Variants in SEMA3A observed in about 807,000 individuals in gnomAD.
SEMA3A encodes semaphorin-3A.
SEMA3A carries 29 observed loss-of-function variants against 97.9 expected under a neutral mutation model. That is an observed-to-expected ratio of 0.30 (90% confidence interval 0.22 to 0.40). The LOEUF (loss-of-function observed/expected upper bound fraction) is 0.40. SEMA3A is among the 10% of genes least tolerant of loss of function. The pLI, the probability that SEMA3A is intolerant of heterozygous loss-of-function variation, is 1.00. For missense variants in SEMA3A, 763 were observed against 951.3 expected, an observed-to-expected ratio of 0.80 and a Z score of 2.60; for synonymous variants, 321 against 323.7, an observed-to-expected ratio of 0.99 and a Z score of 0.09.
intron 1 of SEMA3A, among the ~76,000 whole-genome samples, chr7:84,448,761 A>T (rs905889787): frequency 1.3e-5 from 2 of 152,048 alleles, no homozygotes; most frequent in East Asian, 3.9e-4. Context: ...AATTCCGTGC[A>T]ATTTGTTTGA....
At chr7:84,392,780 T>G (rs968745609) in intron 1 of SEMA3A, among the ~76,000 whole-genome samples, 1 of 152,206 alleles carries the variant, frequency 6.6e-6, no homozygotes, top group African/African-American at 2.4e-5. Flanking sequence ...AATTTGCATC[T>G]TCTTAATGAT....
intron 2 of SEMA3A, among the ~76,000 whole-genome samples, chr7:84,352,480 A>C (rs1455876467): frequency 2.6e-5 from 2 of 78,056 alleles, no homozygotes; most frequent in Non-Finnish European, 5.0e-5. Context: ...GTTGGTATCA[A>C]AATATCTCAT....
chr7:84,359,152 C>G (rs937140399), intron 2 of SEMA3A, among the ~76,000 whole-genome samples: 19 of 152,102 alleles, frequency 1.2e-4, no homozygotes, highest in Non-Finnish European at 2.2e-4. Context: ...CCTGATTGCC[C>G]TGGCCAGAAC....
intron 13 of SEMA3A, among the ~76,000 whole-genome samples, chr7:83,983,605 A>G (rs1484138009): frequency 6.6e-6 from 1 of 152,150 alleles, no homozygotes; most frequent in Non-Finnish European, 1.5e-5. Context: ...ATTATGATGA[A>G]AACCTGAACT....
chr7:84,006,181 A>C (rs1272461617), intron 10 of SEMA3A, among the ~76,000 whole-genome samples: 2 of 152,140 alleles, frequency 1.3e-5, no homozygotes, highest in African/African-American at 4.8e-5. Context: ...ACTACAACTA[A>C]ATGCAATTAA....
chr7:84,283,440 G>A (rs1800499998), intron 3 of SEMA3A, among the ~76,000 whole-genome samples: 2 of 151,860 alleles, frequency 1.3e-5, no homozygotes, highest in South Asian at 4.2e-4. Flanking sequence ...TAAAATCCAA[G>A]AAAAACACTC....
At chr7:84,376,387 G>A (rs1803099664) in intron 1 of SEMA3A, among the ~76,000 whole-genome samples, 1 of 146,728 alleles carries the variant, frequency 6.8e-6, no homozygotes, top group Admixed American at 6.9e-5. Context: ...CGGATCACGA[G>A]GTCAGGAGAT....
At chr7:84,463,415 A>AT (rs1216936263) in intron 1 of SEMA3A, among the ~76,000 whole-genome samples, 5 of 151,228 alleles carry the variant, frequency 3.3e-5, no homozygotes, top group Non-Finnish European at 7.4e-5. Flanking sequence ...CGCCCGGCTA[A>AT]TTTTTTGTAT....
chr7:84,251,407 C>T (rs1291624148), intron 3 of SEMA3A, among the ~76,000 whole-genome samples: 1 of 152,138 alleles, frequency 6.6e-6, no homozygotes, highest in South Asian at 2.1e-4. Flanking sequence ...TCCAAGTGGA[C>T]AGGAGGACTT....
intron 1 of SEMA3A, among the ~76,000 whole-genome samples, chr7:84,372,558 TG>T (rs1803000002): frequency 6.6e-6 from 1 of 152,018 alleles, no homozygotes; most frequent in South Asian, 2.1e-4. Context: ...AGTCACTCAT[TG>T]AGAGTTTTAG....
At chr7:84,418,322 A>T (rs1804488831) in intron 1 of SEMA3A, among the ~76,000 whole-genome samples, 1 of 152,124 alleles carries the variant, frequency 6.6e-6, no homozygotes, top group South Asian at 2.1e-4. Flanking sequence ...AAAAGAGAGC[A>T]TGTGCAGGGG....
chr7:84,261,265 C>T (rs1799850499), intron 3 of SEMA3A, among the ~76,000 whole-genome samples: 1 of 152,182 alleles, frequency 6.6e-6, no homozygotes, highest in African/African-American at 2.4e-5. Context: ...TCCTCTCTAC[C>T]TGGCTCACCC....
intron 3 of SEMA3A, among the ~76,000 whole-genome samples, chr7:84,263,456 A>T (rs1799909171): frequency 6.6e-6 from 1 of 152,198 alleles, no homozygotes; most frequent in Admixed American, 6.5e-5. Context: ...CATTACTTTT[A>T]GTTTCCCCAT....
At chr7:84,137,689 TAAA>T (rs58880773) in intron 1 of SEMA3A, among the ~76,000 whole-genome samples, 4 of 85,272 alleles carry the variant, frequency 4.7e-5, no homozygotes, top group Admixed American at 1.4e-4. Flanking sequence ...GGCCAAACTT[TAAA>T]AAAAAAAAAA....
chr7:84,162,801 C>T (rs917775447), intron 1 of SEMA3A, among the ~76,000 whole-genome samples: 1 of 152,034 alleles, frequency 6.6e-6, no homozygotes, highest in Non-Finnish European at 1.5e-5. Context: ...GTAGCTATGT[C>T]CACCCAGTAC....
rs1181229819 is a variant in SEMA3A at position 84,343,315 on chromosome 7, T to G, written c.-169+28509A>C. 2.6e-5 allele frequency among the ~76,000 whole-genome samples: 4 copies of G among 152,296 alleles called. No individual in the cohort carries two copies. In the East Asian group the frequency reaches 7.7e-4, roughly 29 times the overall value. ...ATGTATAGGAGTTTAAACTTTGTCCTGTTGGCAACTGAAAACACTGGAAGG... is the reference window on the plus strand; with the variant it reads ...ATGTATAGGAGTTTAAACTTTGTCCGGTTGGCAACTGAAAACACTGGAAGG... On this transcript the variant is annotated intron_variant, in intron 2 of 3. Coordinates refer to the SEMA3A transcript ENST00000424555.
chr7:84,416,657 C>T (rs1198883979), intron 1 of SEMA3A, among the ~76,000 whole-genome samples: 1 of 152,082 alleles, frequency 6.6e-6, no homozygotes, highest in East Asian at 1.9e-4. Flanking sequence ...CTCTTTCAAA[C>T]ATGAATCTTG....
intron 6 of SEMA3A, among the ~76,000 whole-genome samples, chr7:84,040,099 C>G (rs1792081771): frequency 6.6e-6 from 1 of 151,946 alleles, no homozygotes; most frequent in Admixed American, 6.6e-5. Flanking sequence ...TCATTAATAT[C>G]TTCCACTGTG....
In SEMA3A at chr7:84,355,181, G is replaced by T. The variant is rs541010120; in HGVS notation, c.-169+16643C>A. On this transcript the variant is annotated intron_variant, in intron 2 of 3. Transcript: ENST00000424555. ...ACAAGTTTAGTTTAACAAAAACAAA[G>T]CTGCTTTTGAAATCCTGAGCTCTGC... is the stretch of plus-strand genomic sequence containing the variant. Among the ~76,000 whole-genome samples the T allele has an allele frequency of 3.3e-5, 5 of 151,898 alleles. No individual in the cohort carries two copies. In the East Asian group the frequency reaches 9.7e-4, roughly 29 times the overall value.
Sources: allele counts gnomAD v4.1 joint callset (sites outside exome capture counted in the v4.1 genomes callset), GRCh38; gene constraint gnomAD v4.1.1; transcripts MANE v1.5; gene names NCBI Gene and HGNC (gene_info 2026-07-23, HGNC 2026-07-21).